PGM3: variants seen among roughly 807,000 people sequenced by gnomAD.
PGM3 encodes phosphoacetylglucosamine mutase.
A neutral mutation model predicts 66.2 loss-of-function variants in PGM3; 40 were observed. The ratio of observed to expected loss-of-function variants is 0.60; its 90% confidence interval spans 0.47 to 0.79. The LOEUF is 0.79. PGM3 is among the 30% of genes least tolerant of loss of function. The pLI is 0.00. For synonymous variants in PGM3, 191 were observed against 224.2 expected, an observed-to-expected ratio of 0.85 and a Z score of 1.32; for missense variants, 537 against 643.4, an observed-to-expected ratio of 0.83 and a Z score of 1.79.
chr6:83,175,813 C>T (rs953391463), intron 9 of PGM3, 149 bp downstream of exon 9: 3 of 551,160 alleles, frequency 5.4e-6, no homozygotes, highest in South Asian at 2.7e-5. Context: ...TTTCATAATA[C>T]ATCAATATAT....
At chr6:83,188,296 TG>T (rs906961037) in intron 3 of PGM3, among the ~76,000 whole-genome samples, 1 of 152,068 alleles carries the variant, frequency 6.6e-6, no homozygotes, top group African/African-American at 2.4e-5. Context: ...GTGTTGACTC[TG>T]TAGGGAAAAA....
In PGM3 at chr6:83,168,734, T is replaced by C; in HGVS notation, c.*500A>G. ...CAACCCCCTATTCATACCTCTGAGT[T>C]CCTGATGGCATTAGTCATATAGGTA... On this transcript the variant is annotated 3_prime_UTR_variant, in exon 13 of 13. Transcript: ENST00000513973. 1 of 997,888 alleles carries C rather than the reference T, an allele frequency of 1.0e-6. No individual in the cohort carries two copies. The highest frequency in any genetic ancestry group is 4.4e-5 in the South Asian group (1 of 22,730). The allele number at this position is 997,888 out of a possible 1,614,324, so 61.8% of individuals were successfully genotyped here.
At chr6:83,156,694 G>A (rs1322703838), downstream of PGM3, among the ~76,000 whole-genome samples, 1 of 152,146 alleles carries the variant, frequency 6.6e-6, no homozygotes, top group Non-Finnish European at 1.5e-5. Context: ...CCAGCCTCAG[G>A]AGCCAACATG....
chr6:83,180,555 A>G (rs1788104018), intron 6 of PGM3, among the ~76,000 whole-genome samples: 1 of 152,212 alleles, frequency 6.6e-6, no homozygotes, highest in Non-Finnish European at 1.5e-5. Flanking sequence ...GACAAATTCA[A>G]CATGAGACAA....
chr6:83,152,318 A>G, the PGM3 span: 1 of 1,575,450 alleles, frequency 6.3e-7, no homozygotes, highest in Non-Finnish European at 8.6e-7. Context: ...GAAACCGCAA[A>G]CATAACTCCT....
chr6:83,152,252 G>T, the PGM3 span: 1 of 1,262,312 alleles, frequency 7.9e-7, no homozygotes, highest in South Asian at 1.4e-5. Context: ...TTTTCAGTGG[G>T]AATTAGCCAT....
rs767551597 is a variant in PGM3, at chr6:83,187,016, T to G, written c.449A>C (p.Gln150Pro). ...VIDGVTVLGG[Q>P]FHDYGLLTTP... ...TCAGGATAACTACATACCATGGAATTGACCTCCTAGAACAGTCACACCATC... is the reference window on the plus strand; with the variant it reads ...TCAGGATAACTACATACCATGGAATGGACCTCCTAGAACAGTCACACCATC... The change falls in exon 4 of 13, where the codon CAA (glutamine) becomes CCA (proline). Residue 150 changes from glutamine (Q) to proline (P), a missense_variant. Transcript: ENST00000513973. 1 of 1,570,142 alleles carries G rather than the reference T, an allele frequency of 6.4e-7. No homozygotes were observed. Among genetic ancestry groups the G allele is most frequent in the Non-Finnish European group, 8.8e-7 (1 of 1,142,750 alleles).
In PGM3 at chr6:83,166,248, T is replaced by C; in HGVS notation, c.*2986A>G. ...CGACCATAAAATGGTCAACATTGAG[T>C]TCTTGGGCAGCTCTCTTATAGTTGT... On this transcript the variant is annotated 3_prime_UTR_variant, in exon 13 of 13. Coordinates refer to ENST00000513973, the MANE Select transcript of PGM3 (RefSeq NM_015599.3). 1.9e-6 allele frequency: 1 copy of C among 527,550 alleles called. No individual in the cohort carries two copies. Among genetic ancestry groups the C allele is most frequent in the Non-Finnish European group, 3.3e-6 (1 of 299,382 alleles). The allele number at this position is 527,550 out of a possible 1,614,324, so 32.7% of individuals were successfully genotyped here.
chr6:83,173,341 CCTT>C (rs962790216), intron 10 of PGM3, among the ~76,000 whole-genome samples: 5 of 152,102 alleles, frequency 3.3e-5, no homozygotes, highest in Admixed American at 2.6e-4. Flanking sequence ...CTTTAGTACT[CCTT>C]ATTTATAAAA....
At chr6:83,174,596 T>C (rs1787610009) in intron 9 of PGM3, 109 bp from the exon 10 acceptor site, 2 of 555,192 alleles carry the variant, frequency 3.6e-6, no homozygotes, top group Non-Finnish European at 3.1e-6. Flanking sequence ...CTGGAGAAAC[T>C]GAGGGGAAAA....
chr6:83,164,597 T>C, downstream of PGM3: 1 of 1,480,750 alleles, frequency 6.8e-7, no homozygotes, highest in East Asian at 2.5e-5. Flanking sequence ...AAACAAGGTC[T>C]TCATGGCCAA....
intron 1 of PGM3, 166 bp from the exon 2 acceptor site, chr6:83,191,180 G>T: frequency 6.5e-7 from 1 of 1,527,632 alleles, no homozygotes; most frequent in Non-Finnish European, 8.8e-7. Flanking sequence ...CTGTGGGTTA[G>T]AATTACCTAC....
intron 8 of PGM3, 127 bp downstream of exon 8, chr6:83,178,546 T>A: frequency 1.5e-6 from 1 of 661,296 alleles, no homozygotes; most frequent in Non-Finnish European, 2.7e-6. Flanking sequence ...TATTTCTCTT[T>A]ACCTTTACAT....
At chr6:83,171,294 A>ATTTTTAATT (rs1181622794) in intron 11 of PGM3, 1 of 152,120 alleles carries the variant, frequency 6.6e-6, no homozygotes, top group Non-Finnish European at 1.5e-5. Flanking sequence ...ATTTATATCT[A>ATTTTTAATT]TTTTTAATTT....
chr6:83,149,109 C>A, the PGM3 span, among the ~76,000 whole-genome samples: 3 of 151,840 alleles, frequency 2.0e-5, no homozygotes, highest in African/African-American at 4.8e-5. Context: ...AAAACTGTTA[C>A]AACAGTAGCT....
chr6:83,189,926 T>A (rs1014705328), intron 2 of PGM3, among the ~76,000 whole-genome samples: 11 of 152,328 alleles, frequency 7.2e-5, no homozygotes, highest in African/African-American at 2.6e-4. Context: ...ACATGTGTTA[T>A]GTAAAAAAGT....
At chr6:83,169,475 C>A in intron 12 of PGM3, 152 bp from the exon 13 acceptor site, 1 of 863,408 alleles carries the variant, frequency 1.2e-6, no homozygotes. Context: ...TTTCATCTTT[C>A]AGTAACAAAT....
chr6:83,149,058 G>A, the PGM3 span, among the ~76,000 whole-genome samples: 5 of 151,978 alleles, frequency 3.3e-5, no homozygotes, highest in Non-Finnish European at 7.4e-5. Context: ...GGAGGAAACA[G>A]TCTATGTTTA....
chr6:83,184,761 G>C (rs1449262817), intron 4 of PGM3, among the ~76,000 whole-genome samples: 1 of 152,092 alleles, frequency 6.6e-6, no homozygotes, highest in Admixed American at 6.5e-5. Context: ...TTCTCTCTGT[G>C]ACAAACAGAG....
Sources: allele counts gnomAD v4.1 joint callset (sites outside exome capture counted in the v4.1 genomes callset), GRCh38; gene constraint gnomAD v4.1.1; transcripts MANE v1.5; gene names NCBI Gene and HGNC (gene_info 2026-07-23, HGNC 2026-07-21).